Variants in RGL1 observed in about 807,000 individuals in gnomAD.
The protein encoded by RGL1 is ral guanine nucleotide dissociation stimulator like 1.
RGL1 carries 24 observed loss-of-function variants against 95.2 expected under a neutral mutation model. That is an observed-to-expected ratio of 0.25 (90% confidence interval 0.18 to 0.35). RGL1 has a LOEUF of 0.35. Among genes scored for constraint, RGL1 ranks in the 10% least tolerant of loss-of-function variants. The pLI is 1.00. For synonymous variants in RGL1, 329 were observed against 344.9 expected (o/e 0.95, Z 0.51); for missense variants, 715 against 936.3 (o/e 0.76, Z 3.08).
At chr1:183,830,772 C>A (rs922356632) in intron 2 of RGL1, among the ~76,000 whole-genome samples, 3 of 152,096 alleles carry the variant, frequency 2.0e-5, no homozygotes, top group African/African-American at 2.4e-5. Context: ...TCAGAACAGT[C>A]ATTTTAATAA....
At chr1:183,872,651 C>T (rs541288404) in intron 4 of RGL1, among the ~76,000 whole-genome samples, 7 of 152,240 alleles carry the variant, frequency 4.6e-5, no homozygotes, top group South Asian at 4.1e-4. Flanking sequence ...TCCAAGACAT[C>T]GGATACACTT....
chr1:183,685,227 A>G (rs1038808011), intron 1 of RGL1, among the ~76,000 whole-genome samples: 3 of 152,186 alleles, frequency 2.0e-5, no homozygotes, highest in African/African-American at 7.2e-5. Flanking sequence ...AATAACAAAG[A>G]TTCTTAAGCT....
At chr1:183,911,003 T>C (rs1367780585) in intron 14 of RGL1, among the ~76,000 whole-genome samples, 1 of 152,264 alleles carries the variant, frequency 6.6e-6, no homozygotes, top group Non-Finnish European at 1.5e-5. Flanking sequence ...CTTTTTGTTA[T>C]GCCTGTTGGC....
chr1:183,808,616 G>A (rs1661497163), intron 2 of RGL1, among the ~76,000 whole-genome samples: 1 of 152,110 alleles, frequency 6.6e-6, no homozygotes, highest in Non-Finnish European at 1.5e-5. Context: ...CCCCATGTTT[G>A]TTTTCCTGTA....
intron 1 of RGL1, among the ~76,000 whole-genome samples, chr1:183,740,942 T>G (rs1444613854): frequency 6.6e-6 from 1 of 152,154 alleles, no homozygotes; most frequent in Non-Finnish European, 1.5e-5. Flanking sequence ...CAAATAAATA[T>G]AATAAAATGT....
At chr1:183,666,088 C>T (rs1446810734) in intron 1 of RGL1, among the ~76,000 whole-genome samples, 2 of 150,952 alleles carry the variant, frequency 1.3e-5, no homozygotes, top group Non-Finnish European at 2.9e-5. Context: ...TCACTGCAAC[C>T]TCTGCCTCCT....
rs181194960 is a variant in RGL1 at position 183,870,632 on chromosome 1, G to C, written c.425+4559G>C. 4.6e-5 allele frequency among the ~76,000 whole-genome samples: 7 copies of C among 152,272 alleles called. No individual in the cohort carries two copies. In the East Asian group the frequency reaches 1.4e-3, roughly 29 times the overall value. On this transcript the variant is annotated intron_variant, in intron 4 of 17. Transcript: ENST00000360851. Reference sequence around the variant, plus strand: ...TCATCCCTTCAAGCTTTCGGGCCCGGGGGAGAATCTTTCAGCATGCACAAA... The same window carrying C: ...TCATCCCTTCAAGCTTTCGGGCCCGCGGGAGAATCTTTCAGCATGCACAAA...
In RGL1 at chr1:183,754,116, C is replaced by T. The variant is rs547913053; in HGVS notation, c.132+11827C>T. On this transcript the variant is annotated intron_variant, in intron 2 of 18. Transcript: ENST00000304685. ...GGCTAGAAATCTACAGATGGGCGTG[C>T]TTGTGGTAGTAAATTCTAAGGAGAA... Among the ~76,000 whole-genome samples, 8 of 152,254 alleles carry T rather than the reference C, an allele frequency of 5.3e-5. No homozygotes were observed. The South Asian group carries it at 6.2e-4, about 12-fold the overall frequency.
At chr1:183,846,354 G>A (rs780017574) in intron 2 of RGL1, among the ~76,000 whole-genome samples, 2 of 151,906 alleles carry the variant, frequency 1.3e-5, no homozygotes, top group Non-Finnish European at 2.9e-5. Flanking sequence ...GAGGACATAT[G>A]GACACAGAGA....
intron 3 of RGL1, among the ~76,000 whole-genome samples, chr1:183,862,224 T>G (rs1158548196): frequency 6.6e-6 from 1 of 152,128 alleles, no homozygotes; most frequent in African/African-American, 2.4e-5. Context: ...GCATCTGTGG[T>G]CCCAGCTAGT....
intron 15 of RGL1, among the ~76,000 whole-genome samples, chr1:183,913,937 G>T (rs1668811378): frequency 6.6e-6 from 1 of 152,180 alleles, no homozygotes; most frequent in Non-Finnish European, 1.5e-5. Flanking sequence ...AGCCTTCGTG[G>T]ACACCTACGG....
intron 2 of RGL1, among the ~76,000 whole-genome samples, chr1:183,828,930 A>C (rs1663069143): frequency 6.6e-6 from 1 of 152,194 alleles, no homozygotes; most frequent in Non-Finnish European, 1.5e-5. Context: ...GAGAATAATA[A>C]CACTGTGCTC....
At chr1:183,805,966 C>A (rs200373583) in intron 1 of RGL1, among the ~76,000 whole-genome samples, 3 of 28,392 alleles carry the variant, frequency 1.1e-4, no homozygotes, top group Non-Finnish European at 1.6e-4. Context: ...TTTTTCTTTT[C>A]TTTTCTTTTT....
chr1:183,712,561 C>T (rs1655350786), intron 1 of RGL1, among the ~76,000 whole-genome samples: 1 of 152,194 alleles, frequency 6.6e-6, no homozygotes, highest in Non-Finnish European at 1.5e-5. Flanking sequence ...TATTCACTCA[C>T]TTGTGATTAC....
Position 183,748,394 on chromosome 1 carries a change from C to CTTTTTTTTTTTTTTTTT in RGL1, c.132+6118_132+6134dup, listed in dbSNP as rs56920504. ...TTTGAATTTGTTTGCTTCTCTAGTT[C>CTTTTTTTTTTTTTTTTT]TTTTTTTTTTTTTTTTTTTTTTTTT... On this transcript the variant is annotated intron_variant, in intron 2 of 18. Coordinates refer to the RGL1 transcript ENST00000304685. Among the ~76,000 whole-genome samples the CTTTTTTTTTTTTTTTTT allele has an allele frequency of 5.7e-5, 4 of 69,680 alleles. 2 individuals carry two copies. Among genetic ancestry groups the CTTTTTTTTTTTTTTTTT allele is most frequent in the African/African-American group, 2.7e-4 (4 of 15,056 alleles). The allele number at this position is 69,680 out of a possible 152,430, so 45.7% of individuals were successfully genotyped here. A position where few individuals can be genotyped will look rare whatever the true frequency, so the allele number is the denominator to read the frequency against.
At chr1:183,907,190 G>C (rs1044675015) in intron 14 of RGL1, 89 bp downstream of exon 14, 15 of 760,418 alleles carry the variant, frequency 2.0e-5, no homozygotes, top group Non-Finnish European at 3.4e-5. Context: ...CCTTGAGCCA[G>C]GGTGAAAGTG....
At chr1:183,902,964 T>A (rs1022989820) in intron 12 of RGL1, among the ~76,000 whole-genome samples, 3 of 152,302 alleles carry the variant, frequency 2.0e-5, no homozygotes, top group African/African-American at 7.2e-5. Flanking sequence ...GCTTGCCACT[T>A]AATTAATAAC....
At chr1:183,851,271 A>G (rs1664810082) in intron 3 of RGL1, among the ~76,000 whole-genome samples, 1 of 152,204 alleles carries the variant, frequency 6.6e-6, no homozygotes, top group African/African-American at 2.4e-5. Flanking sequence ...AATGGAATTG[A>G]CAAGTACTCA....
At chr1:183,735,530 T>C (rs1656885826) in intron 1 of RGL1, among the ~76,000 whole-genome samples, 1 of 152,064 alleles carries the variant, frequency 6.6e-6, no homozygotes, top group Admixed American at 6.6e-5. Flanking sequence ...CCAGAGTAAG[T>C]TATGGAAAGC....
Sources: gnomAD v4.1 joint callset for allele counts (sites outside exome capture counted in the v4.1 genomes callset) on GRCh38, gnomAD v4.1.1 for gene constraint, MANE v1.5 for transcripts, NCBI Gene and HGNC (gene_info 2026-07-23, HGNC 2026-07-21) for gene names.